RNF17: variants seen among roughly 807,000 people sequenced by gnomAD.
RNF17 encodes the protein spermatogenesis associated 23.
In RNF17, 31 loss-of-function variants were observed where a neutral mutation model predicts 200.5. That is an observed-to-expected ratio of 0.15 (90% CI 0.12 to 0.21). RNF17 has a LOEUF of 0.21. Among genes scored for constraint, RNF17 ranks in the 10% least tolerant of loss-of-function variants. The pLI is 1.00. For synonymous variants in RNF17, 606 were observed against 637.8 expected (o/e 0.95, Z 0.75); for missense variants, 1,628 against 1,905.1 (o/e 0.85, Z 2.71).
intron 12 of RNF17, among the ~76,000 whole-genome samples, 162 bp downstream of exon 12, chr13:24,799,746 T>G (rs2137716474): frequency 6.6e-6 from 1 of 152,256 alleles, no homozygotes; most frequent in South Asian, 2.1e-4. Context: ...TCTTGATAAG[T>G]AAAACTTTAT....
intron 15 of RNF17, among the ~76,000 whole-genome samples, chr13:24,815,481 T>A (rs1363961343): frequency 6.9e-6 from 1 of 145,692 alleles, no homozygotes; most frequent in African/African-American, 2.6e-5. Context: ...GTGTATAATT[T>A]GGGGGGATTT....
intron 15 of RNF17, among the ~76,000 whole-genome samples, chr13:24,816,052 A>G (rs1287604567): frequency 1.3e-5 from 2 of 152,000 alleles, no homozygotes; most frequent in Non-Finnish European, 2.9e-5. Flanking sequence ...ACACCACCAC[A>G]CCAGGCTAAT....
intron 14 of RNF17, 35 bp downstream of exon 14, chr13:24,802,606 G>A (rs374709225): frequency 6.5e-6 from 10 of 1,530,432 alleles, no homozygotes; most frequent in African/African-American, 2.8e-5. Context: ...TATTCTTTGA[G>A]ATTATAGCTA....
intron 18 of RNF17, among the ~76,000 whole-genome samples, chr13:24,832,799 A>G (rs1016218305): frequency 9.9e-5 from 15 of 152,232 alleles, no homozygotes; most frequent in South Asian, 2.1e-4. Context: ...CTGGAGTACA[A>G]TGGTGTGAAC....
chr13:24,883,389 T>A (rs778787717), downstream of RNF17: 73 of 1,536,470 alleles, frequency 4.8e-5, no homozygotes, highest in African/African-American at 9.2e-4. Context: ...TTAAAAAAAA[T>A]ATGATTTCTT....
chr13:24,759,010 G>A, the RNF17 span, among the ~76,000 whole-genome samples: 4 of 141,000 alleles, frequency 2.8e-5, no homozygotes, highest in African/African-American at 1.0e-4. Context: ...AACCTGGGCA[G>A]CAGAAGTTGC....
At chr13:24,767,706 C>G (rs929766426) in intron 2 of RNF17, among the ~76,000 whole-genome samples, 6 of 150,246 alleles carry the variant, frequency 4.0e-5, no homozygotes, top group Middle Eastern at 6.8e-3. Flanking sequence ...CAAGATTGCA[C>G]CACTGCACTC....
At chr13:24,858,215 CAATAA>C (rs1892730094) in intron 25 of RNF17, among the ~76,000 whole-genome samples, 1 of 152,086 alleles carries the variant, frequency 6.6e-6, no homozygotes, top group African/African-American at 2.4e-5. Flanking sequence ...ATTTGAAAGA[CAATAA>C]AATCGGTACA....
intron 13 of RNF17, among the ~76,000 whole-genome samples, chr13:24,800,805 A>C (rs188509570): frequency 6.6e-6 from 1 of 152,338 alleles, no homozygotes; most frequent in East Asian, 1.9e-4. Context: ...AGTCAACTAT[A>C]CAGAGAAATA....
upstream of RNF17, among the ~76,000 whole-genome samples, chr13:24,763,369 A>ATTTTTTTTTTTTTTT (rs34750040): frequency 6.1e-5 from 7 of 114,708 alleles, no homozygotes; most frequent in Non-Finnish European, 7.0e-5. Flanking sequence ...CGTCCGGCTA[A>ATTTTTTTTTTTTTTT]TTTTTTTTTT....
At chr13:24,885,627 TA>T in the RNF17 span, 1 of 1,612,344 alleles carries the variant, frequency 6.2e-7, no homozygotes, top group Non-Finnish European at 8.5e-7. Context: ...CCAAATTGCC[TA>T]AATCACGAGG....
chr13:24,885,354 C>T, the RNF17 span: 1 of 1,613,978 alleles, frequency 6.2e-7, no homozygotes, highest in Non-Finnish European at 8.5e-7. Context: ...CTGGGAAGTT[C>T]AGTGGTTCAA....
At chr13:24,749,460 C>T in the RNF17 span, among the ~76,000 whole-genome samples, 2 of 152,120 alleles carry the variant, frequency 1.3e-5, no homozygotes, top group African/African-American at 2.4e-5. Flanking sequence ...TGCAACACCA[C>T]ATCCAGCTGG....
chr13:24,804,039 G>A (rs1403246160), intron 14 of RNF17: 5 of 385,732 alleles, frequency 1.3e-5, no homozygotes, highest in South Asian at 1.1e-4. Flanking sequence ...GGGAGGCCAA[G>A]GCAGTAGGGT....
upstream of RNF17, among the ~76,000 whole-genome samples, chr13:24,759,749 G>C (rs2137819814): frequency 6.6e-6 from 1 of 152,232 alleles, no homozygotes; most frequent in East Asian, 1.9e-4. Flanking sequence ...GGAGAGATAA[G>C]AATTTCCTAC....
chr13:24,837,943 T>C (rs997965326), intron 18 of RNF17, among the ~76,000 whole-genome samples: 1 of 152,106 alleles, frequency 6.6e-6, no homozygotes, highest in Admixed American at 6.6e-5. Flanking sequence ...TAGCACGATT[T>C]AGCACGATTA....
intron 10 of RNF17, chr13:24,794,106 T>C (rs1884231985): frequency 2.4e-6 from 1 of 420,024 alleles, no homozygotes; most frequent in African/African-American, 2.1e-5. Context: ...TAGCATGTCA[T>C]TGTTAACATA....
At chr13:24,753,729 T>G in the RNF17 span, among the ~76,000 whole-genome samples, 2 of 152,246 alleles carry the variant, frequency 1.3e-5, no homozygotes, top group Non-Finnish European at 2.9e-5. Context: ...GAAATCAATA[T>G]AGAGGATCTT....
the RNF17 span, among the ~76,000 whole-genome samples, chr13:24,754,751 C>G: frequency 1.3e-5 from 2 of 152,048 alleles, no homozygotes; most frequent in African/African-American, 4.8e-5. Flanking sequence ...ATAAAATTAG[C>G]CAGGTGTAGT....
Sources: gnomAD v4.1 joint callset for allele counts (sites outside exome capture counted in the v4.1 genomes callset) on GRCh38, gnomAD v4.1.1 for gene constraint, MANE v1.5 for transcripts, NCBI Gene and HGNC (gene_info 2026-07-23, HGNC 2026-07-21) for gene names.